ARHGAP35: variants seen among roughly 807,000 people sequenced by gnomAD.
The protein encoded by ARHGAP35 is rho GTPase-activating protein 35.
In ARHGAP35, 15 loss-of-function variants were observed where a neutral mutation model predicts 111.1. The ratio of observed to expected loss-of-function variants is 0.13; its 90% confidence interval spans 0.09 to 0.21. The LOEUF (loss-of-function observed/expected upper bound fraction) is 0.21, where lower values mean the gene tolerates loss of function less well. Among genes scored for constraint, ARHGAP35 ranks in the 10% least tolerant of loss-of-function variants. ARHGAP35 has a pLI of 1.00. For synonymous variants in ARHGAP35, 643 were observed against 710.3 expected (o/e 0.91, Z 1.51); for missense variants, 1,262 against 1,873.0 (o/e 0.67, Z 6.02).
At chr19:46,961,252 T>G (rs191028183) in intron 3 of ARHGAP35, among the ~76,000 whole-genome samples, 98 of 152,190 alleles carry the variant, frequency 6.4e-4, no homozygotes, top group Non-Finnish European at 1.2e-3. Context: ...CTCAGTCTTT[T>G]GTTAATATAG....
chr19:46,949,286 G>A (rs1161241851), intron 3 of ARHGAP35: 1 of 152,150 alleles, frequency 6.6e-6, no homozygotes, highest in Admixed American at 6.5e-5. Flanking sequence ...CAGTTTTGAA[G>A]AAACTTGCTG....
intron 2 of ARHGAP35, among the ~76,000 whole-genome samples, chr19:46,928,368 C>T (rs2056250816): frequency 6.6e-6 from 1 of 152,198 alleles, no homozygotes; most frequent in East Asian, 1.9e-4. Flanking sequence ...ATTATTCCAG[C>T]TCTAGTCAGG....
intron 3 of ARHGAP35, among the ~76,000 whole-genome samples, chr19:46,958,051 A>C (rs543177578): frequency 6.6e-6 from 1 of 151,412 alleles, no homozygotes; most frequent in African/African-American, 2.4e-5. Context: ...CTACAGGCCC[A>C]AGCCATCATG....
chr19:46,878,531 G>A (rs2055939424), intron 1 of ARHGAP35, among the ~76,000 whole-genome samples: 1 of 151,312 alleles, frequency 6.6e-6, no homozygotes, highest in South Asian at 2.1e-4. Context: ...GTTGGCCAGG[G>A]TGGTCTCAAA....
chr19:46,979,839 AG>A (rs1248846446), intron 3 of ARHGAP35, among the ~76,000 whole-genome samples: 3 of 152,136 alleles, frequency 2.0e-5, no homozygotes, highest in Non-Finnish European at 2.9e-5. Flanking sequence ...CTTGACTGAC[AG>A]GGGAATTACC....
intron 2 of ARHGAP35, among the ~76,000 whole-genome samples, chr19:46,935,767 T>A (rs1476223110): frequency 6.6e-6 from 1 of 152,242 alleles, no homozygotes; most frequent in Non-Finnish European, 1.5e-5. Flanking sequence ...TTTTAGTAGA[T>A]ATTTTAACAA....
Position 46,919,932 on chromosome 19 carries a change from C to T in ARHGAP35, c.1257C>T (p.His419=), listed in dbSNP as rs1431607269. The T allele has an allele frequency of 5.0e-6, 8 of 1,613,856 alleles. No individual in the cohort carries two copies. The Admixed American group carries it at 1.3e-4, about 27-fold the overall frequency. The change falls in exon 2 of 7, where the codon CAC becomes CAT. Residue 419 remains histidine, a synonymous_variant. Transcript: ENST00000672722. This position sits in a 1 kb window ranked among gnomAD's most constrained non-coding sequence, Gnocchi z 6.2. ...TVPAEQLYEA[H]LEKLRNERKR... is the part of the protein sequence containing the mutation. ...CTGCAGAGCAGCTATACGAGGCCCA[C>T]TTAGAGAAGCTGAGGAACGAAAGGA...
At position 46,951,648 on chromosome 19, in the gene ARHGAP35, T is replaced by C. The variant is rs183155733; in HGVS notation, c.3826+14240T>C. On this transcript the variant is annotated intron_variant, in intron 3 of 6. Coordinates refer to ENST00000672722, the MANE Select transcript of ARHGAP35 (RefSeq NM_004491.5). ...ATGTTAGAGACCTCATAACAGTACC[T>C]GGCAGGTTGTAAGTAGTCAATTTGC... Among the ~76,000 whole-genome samples the C allele has an allele frequency of 1.1e-3, 172 of 152,344 alleles. 1 individual carries two copies. Among genetic ancestry groups the C allele is most frequent in the African/African-American group, 3.8e-3 (160 of 41,580 alleles).
intron 5 of ARHGAP35, among the ~76,000 whole-genome samples, chr19:46,998,791 TC>T (rs760849007): frequency 6.6e-6 from 1 of 152,178 alleles, no homozygotes; most frequent in African/African-American, 2.4e-5. Context: ...CCCCACTGTT[TC>T]CATCAGCCCC....
rs555614676 is a variant in ARHGAP35 at position 46,957,055 on chromosome 19, G to A, written c.3826+19647G>A. Among the ~76,000 whole-genome samples, 9 of 138,546 alleles carry A rather than the reference G, an allele frequency of 6.5e-5. No individual in the cohort carries two copies. The East Asian group carries it at 1.7e-3, about 27-fold the overall frequency. The allele number at this position is 138,546 out of a possible 152,430, so 90.9% of individuals were successfully genotyped here. A position where few individuals can be genotyped will look rare whatever the true frequency, so the allele number is the denominator to read the frequency against. ...CGGCTCACTGCAACCTCCGCCTCCC[G>A]GGTTCACACCATTCTCCTGTCTCAG... On this transcript the variant is annotated intron_variant, in intron 3 of 6. Coordinates refer to ENST00000672722, the MANE Select transcript of ARHGAP35 (RefSeq NM_004491.5).
intron 2 of ARHGAP35, among the ~76,000 whole-genome samples, chr19:46,927,583 A>G (rs887538752): frequency 6.6e-6 from 1 of 152,208 alleles, no homozygotes; most frequent in Admixed American, 6.5e-5. Flanking sequence ...ACCCACGCCA[A>G]ATAATAGAGG....
chr19:46,966,170 T>C (rs1383255551), intron 3 of ARHGAP35, among the ~76,000 whole-genome samples: 1 of 152,234 alleles, frequency 6.6e-6, no homozygotes, highest in Non-Finnish European at 1.5e-5. Context: ...TTTCTTTCTT[T>C]GCAAAATATT....
chr19:46,880,414 G>A (rs1480368271), intron 1 of ARHGAP35, among the ~76,000 whole-genome samples: 7 of 152,086 alleles, frequency 4.6e-5, no homozygotes, highest in Non-Finnish European at 7.4e-5. Flanking sequence ...CCTGGGCAAC[G>A]AGTGAAACTC....
intron 1 of ARHGAP35, among the ~76,000 whole-genome samples, chr19:46,869,203 G>A (rs540679282): frequency 1.7e-4 from 26 of 152,066 alleles, no homozygotes; most frequent in East Asian, 1.2e-3. Context: ...CTCCACATCT[G>A]GACATGATAC....
chr19:46,950,434 G>A (rs1477707391), intron 3 of ARHGAP35, among the ~76,000 whole-genome samples: 1 of 152,212 alleles, frequency 6.6e-6, no homozygotes, highest in Non-Finnish European at 1.5e-5. Context: ...ACATTGGTGT[G>A]TATACCTAGA....
At chr19:46,967,787 A>G (rs1297577781) in intron 3 of ARHGAP35, among the ~76,000 whole-genome samples, 1 of 152,122 alleles carries the variant, frequency 6.6e-6, no homozygotes, top group Non-Finnish European at 1.5e-5. Flanking sequence ...AGCTGCCATT[A>G]TATTTCTCAC....
chr19:46,952,958 G>A (rs1450154449), intron 3 of ARHGAP35, among the ~76,000 whole-genome samples: 1 of 152,206 alleles, frequency 6.6e-6, no homozygotes, highest in African/African-American at 2.4e-5. Flanking sequence ...GGGATTACAG[G>A]CATGAGCCAC....
intron 1 of ARHGAP35, among the ~76,000 whole-genome samples, chr19:46,891,002 TA>T (rs1306225518): frequency 6.6e-6 from 1 of 152,130 alleles, no homozygotes; most frequent in Non-Finnish European, 1.5e-5. Context: ...CAGTAGTCAG[TA>T]TGGTAATAAG....
At chr19:46,903,310 G>T (rs886097655) in intron 1 of ARHGAP35, among the ~76,000 whole-genome samples, 3 of 152,098 alleles carry the variant, frequency 2.0e-5, no homozygotes, top group Admixed American at 2.0e-4. Context: ...AGTCAGAGTC[G>T]GTCTGCTGAC....
Sources: gnomAD v4.1 joint callset for allele counts (sites outside exome capture counted in the v4.1 genomes callset) on GRCh38, gnomAD v4.1.1 for gene constraint, Gnocchi (gnomAD v3.1) non-coding constraint, MANE v1.5 for transcripts, NCBI Gene and HGNC (gene_info 2026-07-23, HGNC 2026-07-21) for gene names.